The following MALSU1 variants were observed in gnomAD, a reference collection of about 807,000 sequenced individuals.
MALSU1 encodes the protein mitochondrial assembly of ribosomal large subunit 1, also known as mitochondrial assembly of ribosomal large subunit protein 1.
MALSU1 carries 22 observed loss-of-function variants against 22.1 expected under a neutral mutation model. That is an observed-to-expected ratio of 1.00 (90% CI 0.71 to 1.42). The LOEUF is 1.42. Among genes scored for constraint, MALSU1 ranks in the 40% most tolerant of loss-of-function variants. MALSU1 has a pLI of 0.00. For missense variants in MALSU1, 379 were observed against 308.3 expected (o/e 1.23, Z -1.72); for synonymous variants, 153 against 118.5 (o/e 1.29, Z -1.89).
intron 2 of MALSU1, 148 bp from the exon 3 acceptor site, chr7:23,307,720 G>C (rs752419656): frequency 1.2e-5 from 7 of 578,806 alleles, no homozygotes; most frequent in Admixed American, 6.5e-5. Context: ...GTTTCCCTAA[G>C]TTATTCATCA....
At chr7:23,305,044 T>C (rs1292774250) in intron 2 of MALSU1, among the ~76,000 whole-genome samples, 3 of 152,350 alleles carry the variant, frequency 2.0e-5, no homozygotes, top group East Asian at 3.9e-4. Flanking sequence ...AAGAGTTTTA[T>C]AGTTTTAAGT....
intron 2 of MALSU1, among the ~76,000 whole-genome samples, chr7:23,303,878 G>A (rs1583859444): frequency 1.3e-5 from 2 of 152,072 alleles, no homozygotes; most frequent in East Asian, 3.9e-4. Flanking sequence ...GGCCAAGGCG[G>A]GTAGTTCACC....
At chr7:23,306,148 T>C (rs960738639) in intron 2 of MALSU1, among the ~76,000 whole-genome samples, 2 of 152,126 alleles carry the variant, frequency 1.3e-5, no homozygotes, top group Non-Finnish European at 2.9e-5. Flanking sequence ...GAGCCGCGAT[T>C]GCGCCATTAT....
At position 23,310,051 on chromosome 7, in the gene MALSU1, G is replaced by A. The variant is rs973164347; in HGVS notation, c.*508G>A. ...GTGTTTGTTAGGAAAAACTCTGAAC[G>A]CTCTAGTTCTTAGTTCATATGCAAG... On this transcript the variant is annotated 3_prime_UTR_variant, in exon 4 of 4. Transcript: ENST00000466681. 2.0e-5 allele frequency: 3 copies of A among 152,016 alleles called. No individual in the cohort carries two copies. The highest frequency in any genetic ancestry group is 7.3e-5 in the African/African-American group (3 of 41,376). The allele number at this position is 152,016 out of a possible 1,614,324, so 9.4% of individuals were successfully genotyped here. A position where few individuals can be genotyped will look rare whatever the true frequency, so the allele number is the denominator to read the frequency against.
rs1783803717 is a variant in MALSU1 at position 23,310,760 on chromosome 7, AT to A, written c.*1219del. ...AGAAAAACATCTAGTCTGTATAGAA[AT>A]TCATCTTGAAATAAGAATGAGGCAG... On this transcript the variant is annotated 3_prime_UTR_variant, in exon 4 of 4. Coordinates refer to ENST00000466681, the MANE Select transcript of MALSU1 (RefSeq NM_138446.2). 1 of 152,062 alleles carries A rather than the reference AT, an allele frequency of 6.6e-6. No individual in the cohort carries two copies. Among genetic ancestry groups the A allele is most frequent in the South Asian group, 2.1e-4 (1 of 4,824 alleles). 9.4% of individuals were successfully genotyped at this position (152,062 alleles called of 1,614,324 possible).
In MALSU1 at chr7:23,300,911, G is replaced by T. The variant is rs749599138; in HGVS notation, c.329G>T (p.Cys110Phe). Reference sequence around the variant, plus strand: ...AGGCAAGAAAATGCAAGAGACATTTGTGTGATCCAGGTTCCTCCAGAAATG... The same window carrying T: ...AGGCAAGAAAATGCAAGAGACATTTTTGTGATCCAGGTTCCTCCAGAAATG... ...LLRQENARDICVIQVPPEMRY... is the reference protein window; with the variant it reads ...LLRQENARDIFVIQVPPEMRY... Residue 110 changes from cysteine (C) to phenylalanine (F), a missense_variant, in exon 2 of 4, where the codon TGT becomes TTT. Cys to Phe is a radical substitution (Grantham distance 205). Coordinates refer to ENST00000466681, the MANE Select transcript of MALSU1 (RefSeq NM_138446.2). 1 of 1,614,020 alleles carries T rather than the reference G, an allele frequency of 6.2e-7. No homozygotes were observed. Among genetic ancestry groups the T allele is most frequent in the Non-Finnish European group, 8.5e-7 (1 of 1,179,946 alleles).
At chr7:23,306,736 G>C (rs747405182) in intron 2 of MALSU1, among the ~76,000 whole-genome samples, 1 of 152,120 alleles carries the variant, frequency 6.6e-6, no homozygotes, top group African/African-American at 2.4e-5. Context: ...TTATTGCATT[G>C]ATCCGTTTTT....
Position 23,299,549 on chromosome 7 carries a change from G to A in MALSU1, c.197G>A (p.Gly66Glu). The A allele has an allele frequency of 6.2e-7, 1 of 1,611,534 alleles. No homozygotes were observed. Among genetic ancestry groups the A allele is most frequent in the Non-Finnish European group, 8.5e-7 (1 of 1,179,136 alleles). The change falls in exon 1 of 4, where the codon GGG becomes GAG. Residue 66 changes from glycine to glutamate, a missense_variant. Transcript: ENST00000466681. ...NFVRGLHSEP[G>E]LEERAEGTVN... ...GTCCGCGGCCTGCACAGCGAGCCTG[G>A]GCTGGAGGAGCGGGCGGAGGGGACG... is the stretch of plus-strand genomic sequence containing the variant.
rs189872032 is a variant in MALSU1 at position 23,308,174 on chromosome 7, C to G, written c.517+225C>G. On this transcript the variant is annotated intron_variant, in intron 3 of 3. Coordinates refer to ENST00000466681, the MANE Select transcript of MALSU1 (RefSeq NM_138446.2). ...CCAAAGTACCCTAGATGATGCCCTC[C>G]TGGAGGAAGATATATACTACATGGT... Among the ~76,000 whole-genome samples the G allele has an allele frequency of 3.9e-3, 595 of 152,238 alleles. 7 individuals carry two copies. Among genetic ancestry groups the G allele is most frequent in the African/African-American group, 0.014 (565 of 41,534 alleles).
Position 23,309,608 on chromosome 7 carries a change from T to G in MALSU1, c.*65T>G. On this transcript the variant is annotated 3_prime_UTR_variant, in exon 4 of 4. Transcript: ENST00000466681. ...TGAGTCACTTATTGGAAAATACAGC[T>G]CCTAAAGTCCGTCTCCTTGGTTAGG... 3.8e-6 allele frequency: 5 copies of G among 1,318,280 alleles called. No individual in the cohort carries two copies. The highest frequency in any genetic ancestry group is 5.2e-6 in the Non-Finnish European group (5 of 969,822). The allele number at this position is 1,318,280 out of a possible 1,614,324, so 81.7% of individuals were successfully genotyped here.
At chr7:23,307,192 T>A (rs1157734247) in intron 2 of MALSU1, among the ~76,000 whole-genome samples, 1 of 152,206 alleles carries the variant, frequency 6.6e-6, no homozygotes, top group East Asian at 1.9e-4. Flanking sequence ...CTAAAATCAG[T>A]AGTGTCACTT....
In MALSU1 at chr7:23,300,828, G is replaced by C; in HGVS notation, c.257-11G>C. 6.2e-7 allele frequency: 1 copy of C among 1,610,620 alleles called. No homozygotes were observed. Among genetic ancestry groups the C allele is most frequent in the Non-Finnish European group, 8.5e-7 (1 of 1,177,960 alleles). Reference sequence around the variant, plus strand: ...GCCATCCTGATACAAACAACTATTTGTGCATTTCAGATCATACTGGTCCCA... The same window carrying C: ...GCCATCCTGATACAAACAACTATTTCTGCATTTCAGATCATACTGGTCCCA... On this transcript the variant is annotated splice_polypyrimidine_tract_variant and intron_variant, in intron 1 of 3. Transcript: ENST00000466681.
intron 2 of MALSU1, among the ~76,000 whole-genome samples, chr7:23,305,224 G>A (rs1783708372): frequency 6.6e-6 from 1 of 152,004 alleles, no homozygotes; most frequent in Non-Finnish European, 1.5e-5. Context: ...TTTATTTCTG[G>A]GCTCTGTATT....
Position 23,309,451 on chromosome 7 carries a change from CAGAT to C in MALSU1, c.616_619del (p.Ile206HisfsTer13), listed in dbSNP as rs749778754. On this transcript the variant is annotated frameshift_variant, in exon 4 of 4. Coordinates refer to ENST00000466681, the MANE Select transcript of MALSU1 (RefSeq NM_138446.2). LOFTEE classifies it high-confidence loss of function. ...ACGTTCTTATGATGACCAGTTAGCT[CAGAT>C]AGCACCTGAGACAGTACCTGAAGAC... 2 of 1,613,552 alleles carry C rather than the reference CAGAT, an allele frequency of 1.2e-6. No individual in the cohort carries two copies. The highest frequency in any genetic ancestry group is 1.7e-6 in the Non-Finnish European group (2 of 1,179,696).
chr7:23,300,675 TA>T (rs1562655357), intron 1 of MALSU1, among the ~76,000 whole-genome samples, 163 bp from the exon 2 acceptor site: 1 of 152,164 alleles, frequency 6.6e-6, no homozygotes, highest in African/African-American at 2.4e-5. Context: ...GCTATGATAC[TA>T]CTGCCCAGGT....
At chr7:23,309,049 T>G (rs1180676608) in intron 3 of MALSU1, among the ~76,000 whole-genome samples, 1 of 152,222 alleles carries the variant, frequency 6.6e-6, no homozygotes, top group Non-Finnish European at 1.5e-5. Flanking sequence ...GCACAAAAGA[T>G]GTGCAGAAGT....
At chr7:23,308,781 A>G (rs1265203913) in intron 3 of MALSU1, among the ~76,000 whole-genome samples, 2 of 152,168 alleles carry the variant, frequency 1.3e-5, no homozygotes, top group Non-Finnish European at 2.9e-5. Context: ...TTTTGTCGCT[A>G]TTAACGTTTT....
At chr7:23,306,050 C>T (rs56291621) in intron 2 of MALSU1, among the ~76,000 whole-genome samples, 2,828 of 152,126 alleles carry the variant, frequency 0.019, 85 homozygotes, top group African/African-American at 0.065. Flanking sequence ...CAAAATTAGC[C>T]GGGCGTGGTG....
In MALSU1 at chr7:23,311,656, T is replaced by C. The variant is rs528453938; in HGVS notation, c.*2113T>C. ...TACTGTCACCAGCCAGAAGTAAAAATCTTAATTTGCCTGTTAGCTGATTGC... is the reference window on the plus strand; with the variant it reads ...TACTGTCACCAGCCAGAAGTAAAAACCTTAATTTGCCTGTTAGCTGATTGC... On this transcript the variant is annotated 3_prime_UTR_variant, in exon 4 of 4. Transcript: ENST00000466681. 1.3e-5 allele frequency: 2 copies of C among 152,666 alleles called. No homozygotes were observed. The highest frequency in any genetic ancestry group is 1.3e-4 in the Admixed American group (2 of 15,282). The allele number at this position is 152,666 out of a possible 1,614,324, so 9.5% of individuals were successfully genotyped here.
Sources: allele counts gnomAD v4.1 joint callset (sites outside exome capture counted in the v4.1 genomes callset), GRCh38; gene constraint gnomAD v4.1.1; transcripts MANE v1.5; gene names NCBI Gene and HGNC (gene_info 2026-07-23, HGNC 2026-07-21).